The following IFITM3 variants were observed in gnomAD, a reference collection of about 807,000 sequenced individuals.
The protein encoded by IFITM3 is interferon-induced transmembrane protein 3.
A neutral mutation model predicts 5.2 loss-of-function variants in IFITM3; 5 were observed. The ratio of observed to expected loss-of-function variants is 0.96; its 90% CI spans 0.50 to 2.03. The LOEUF is 2.03. Ranked by LOEUF, IFITM3 falls within the 30% of genes most tolerant of loss-of-function variation. The probability of loss-of-function intolerance (pLI) is 0.01; values close to 1 mark genes in which losing one functional copy is unlikely to be tolerated. For synonymous variants in IFITM3, 81 were observed against 77.6 expected (o/e 1.04, Z -0.23); for missense variants, 156 against 177.3 (o/e 0.88, Z 0.68).
At position 320,855 on chromosome 11, in the gene IFITM3, G is replaced by A; in HGVS notation, c.-42C>T. On this transcript the variant is annotated 5_prime_UTR_variant, in exon 1 of 2. Transcript: ENST00000399808. ...CAGCGGCGGTCGGGTTACTGGGATGGTTCTCAGTGAGCCCTCCCTTTCCCC... is the reference window on the plus strand; with the variant it reads ...CAGCGGCGGTCGGGTTACTGGGATGATTCTCAGTGAGCCCTCCCTTTCCCC... 1 of 1,573,694 alleles carries A rather than the reference G, an allele frequency of 6.4e-7. No individual in the cohort carries two copies. The highest frequency in any genetic ancestry group is 8.7e-7 in the Non-Finnish European group (1 of 1,153,990).
At position 319,829 on chromosome 11, in the gene IFITM3, C is replaced by G; in HGVS notation, c.*9G>C. ...GGCAGAGCTCCTGGCCTCAGTGATGCCTCCTGATCTATCCATAGGCCTGGA... is the reference window on the plus strand; with the variant it reads ...GGCAGAGCTCCTGGCCTCAGTGATGGCTCCTGATCTATCCATAGGCCTGGA... On this transcript the variant is annotated 3_prime_UTR_variant, in exon 2 of 2. Transcript: ENST00000399808. 1 of 1,614,126 alleles carries G rather than the reference C, an allele frequency of 6.2e-7. No individual in the cohort carries two copies. The highest frequency in any genetic ancestry group is 8.5e-7 in the Non-Finnish European group (1 of 1,180,006).
intron 1 of IFITM3, 46 bp downstream of exon 1, chr11:320,519 C>T: frequency 6.2e-7 from 1 of 1,604,844 alleles, no homozygotes; most frequent in South Asian, 1.1e-5. Context: ...AGGTGGAGCT[C>T]CAGGCTCAGC....
intron 1 of IFITM3, 61 bp from the exon 2 acceptor site, chr11:320,051 C>T: frequency 1.9e-6 from 3 of 1,604,154 alleles, no homozygotes; most frequent in South Asian, 2.2e-5. Context: ...CGTGCTATGG[C>T]TCCGTCTCCT....
At position 320,749 on chromosome 11, in the gene IFITM3, A is replaced by G. The variant is rs771595943; in HGVS notation, c.65T>C (p.Met22Thr). The change falls in exon 1 of 2, where the codon ATG becomes ACG. Residue 22 changes from methionine to threonine, a missense_variant. Physicochemically the swap from Met to Thr is moderately conservative, Grantham distance 81. Coordinates refer to ENST00000399808, the MANE Select transcript of IFITM3 (RefSeq NM_021034.3). ...VNSGQPPNYEMLKEEHEVAVL... is the reference protein window; with the variant it reads ...VNSGQPPNYETLKEEHEVAVL... The stretch of plus-strand genomic sequence containing the variant: ...AGCCACCTCGTGCTCCTCCTTGAGC[A>G]TCTCATAGTTGGGGGGCTGGCCACT... 12 of 1,613,732 alleles carry G rather than the reference A, an allele frequency of 7.4e-6. No homozygotes were observed. The highest frequency in any genetic ancestry group is 1.7e-5 in the Admixed American group (1 of 59,990).
At position 319,838 on chromosome 11, in the gene IFITM3, C is replaced by CGAT; in HGVS notation, c.401_402insATC (p.Ter134delinsTer). On this transcript the variant is annotated inframe_insertion and stop_retained_variant, in exon 2 of 2. Coordinates refer to ENST00000399808, the MANE Select transcript of IFITM3 (RefSeq NM_021034.3). ...CCTGGCCTCAGTGATGCCTCCTGAT[C>CGAT]TATCCATAGGCCTGGAAGATCAGCA... The CGAT allele has an allele frequency of 6.2e-7, 1 of 1,614,184 alleles. No individual in the cohort carries two copies. The highest frequency in any genetic ancestry group is 8.5e-7 in the Non-Finnish European group (1 of 1,180,012).
In IFITM3 at chr11:319,703, G is replaced by T; in HGVS notation, c.*135C>A. 8.7e-7 allele frequency: 1 copy of T among 1,143,090 alleles called. No individual in the cohort carries two copies. The highest frequency in any genetic ancestry group is 1.3e-6 in the Non-Finnish European group (1 of 769,020). The allele number at this position is 1,143,090 out of a possible 1,614,324, so 70.8% of individuals were successfully genotyped here. On this transcript the variant is annotated 3_prime_UTR_variant, in exon 2 of 2. Coordinates refer to ENST00000399808, the MANE Select transcript of IFITM3 (RefSeq NM_021034.3). ...CAGAAACACGTGCACTTTATTGAAT[G>T]CCATTGTAGAAAAGCGTGTGAGGAT...
intron 1 of IFITM3, 38 bp from the exon 2 acceptor site, chr11:320,028 C>T: frequency 6.2e-7 from 1 of 1,607,300 alleles, no homozygotes; most frequent in Non-Finnish European, 8.5e-7. Flanking sequence ...CAGGATCCCC[C>T]AGCTGAGAGC....
In IFITM3 at chr11:320,670, G is replaced by T; in HGVS notation, c.144C>A (p.Ile48=). Residue 48 remains isoleucine, a synonymous_variant, in exon 1 of 2, where the codon ATC becomes ATA. Coordinates refer to ENST00000399808, the MANE Select transcript of IFITM3 (RefSeq NM_021034.3). ...PAPPTSTVIH[I]RSETSVPDHV... Reference sequence around the variant, plus strand: ...GGTCGGGCACGGAGGTCTCGCTGCGGATGTGGATCACGGTGGACGTCGGGG... The same window carrying T: ...GGTCGGGCACGGAGGTCTCGCTGCGTATGTGGATCACGGTGGACGTCGGGG... 1 of 1,613,928 alleles carries T rather than the reference G, an allele frequency of 6.2e-7. No individual in the cohort carries two copies. The highest frequency in any genetic ancestry group is 8.5e-7 in the Non-Finnish European group (1 of 1,179,880).
intron 1 of IFITM3, 52 bp downstream of exon 1, chr11:320,513 G>A: frequency 1.2e-6 from 2 of 1,602,148 alleles, no homozygotes; most frequent in Non-Finnish European, 1.7e-6. Flanking sequence ...GTGGGCAGGT[G>A]GAGCTCCAGG....
At chr11:320,040 G>A (rs113929853) in intron 1 of IFITM3, 50 bp from the exon 2 acceptor site, 28 of 1,604,424 alleles carry the variant, frequency 1.7e-5, no homozygotes, top group Admixed American at 5.0e-5. Flanking sequence ...GCTGAGAGCC[G>A]CGTGCTATGG....
In IFITM3 at chr11:320,580, G is replaced by A. The variant is rs375285737; in HGVS notation, c.234C>T (p.Phe78=). 73 of 1,613,722 alleles carry A rather than the reference G, an allele frequency of 4.5e-5. No individual in the cohort carries two copies. Among genetic ancestry groups the A allele is most frequent in the East Asian group, 1.3e-4 (6 of 44,894 alleles). Residue 78 remains phenylalanine (F), a synonymous_variant, in exon 1 of 2, where the codon TTC becomes TTT. Transcript: ENST00000399808. ...MNPCCLGFIA[F]AYSVKSRDRK... ...CCATACGCACCTTCACGGAGTAGGC[G>A]AATGCTATGAAGCCCAGGCAGCAGG...
At chr11:320,119 T>C in intron 1 of IFITM3, 129 bp from the exon 2 acceptor site, 5 of 1,180,052 alleles carry the variant, frequency 4.2e-6, no homozygotes, top group Non-Finnish European at 6.1e-6. Flanking sequence ...TCACCCGGGC[T>C]CAGACTCTCC....
chr11:319,849 C>T lies in IFITM3; in HGVS notation c.391G>A (p.Ala131Thr). 6.2e-7 allele frequency: 1 copy of T among 1,614,154 alleles called. No individual in the cohort carries two copies. Among genetic ancestry groups the T allele is most frequent in the Non-Finnish European group, 8.5e-7 (1 of 1,180,010 alleles). Reference protein sequence around the residue: ...LIVIPVLIFQAYG With the variant: ...LIVIPVLIFQTYG ...TGATGCCTCCTGATCTATCCATAGG[C>T]CTGGAAGATCAGCACTGGGATGACG... Residue 131 changes from alanine (A) to threonine (T), a missense_variant, in exon 2 of 2, where the codon GCC becomes ACC. Physicochemically the swap from Ala to Thr is moderately conservative, Grantham distance 58. Coordinates refer to ENST00000399808, the MANE Select transcript of IFITM3 (RefSeq NM_021034.3).
Position 319,732 on chromosome 11 carries a change from G to A in IFITM3, c.*106C>T, listed in dbSNP as rs1394755924. On this transcript the variant is annotated 3_prime_UTR_variant, in exon 2 of 2. Coordinates refer to ENST00000399808, the MANE Select transcript of IFITM3 (RefSeq NM_021034.3). ...TTGTAGAAAAGCGTGTGAGGATAAAGGGCTGATACAGGACTCGGCTCCGGG... is the reference window on the plus strand; with the variant it reads ...TTGTAGAAAAGCGTGTGAGGATAAAAGGCTGATACAGGACTCGGCTCCGGG... The A allele has an allele frequency of 7.1e-7, 1 of 1,407,048 alleles. No individual in the cohort carries two copies. The highest frequency in any genetic ancestry group is 1.0e-6 in the Non-Finnish European group (1 of 996,144). The allele number at this position is 1,407,048 out of a possible 1,614,324, so 87.2% of individuals were successfully genotyped here. A position where few individuals can be genotyped will look rare whatever the true frequency, so the allele number is the denominator to read the frequency against.
chr11:320,385 C>CA lies in IFITM3; in HGVS notation c.249+179dup, dbSNP rs550094840. The CA allele has an allele frequency of 4.0e-4, 451 of 1,116,586 alleles. 4 individuals carry two copies. The African/African-American group carries it at 5.9e-3, about 15-fold the overall frequency. 69.2% of individuals were successfully genotyped at this position (1,116,586 alleles called of 1,614,324 possible). A position where few individuals can be genotyped will look rare whatever the true frequency, so the allele number is the denominator to read the frequency against. On this transcript the variant is annotated intron_variant, in intron 1 of 1. Transcript: ENST00000399808. ...CTAAACCTGCACTGGGCAGATTCCC[C>CA]AAGCCACACACACACACAGATCACA... is the stretch of plus-strand genomic sequence containing the variant.
In IFITM3 at chr11:319,816, G is replaced by A; in HGVS notation, c.*22C>T. ...GATACAGGTCATGGGCAGAGCTCCT[G>A]GCCTCAGTGATGCCTCCTGATCTAT... On this transcript the variant is annotated 3_prime_UTR_variant, in exon 2 of 2. Coordinates refer to ENST00000399808, the MANE Select transcript of IFITM3 (RefSeq NM_021034.3). The A allele has an allele frequency of 6.2e-7, 1 of 1,614,060 alleles. No individual in the cohort carries two copies. Among genetic ancestry groups the A allele is most frequent in the Non-Finnish European group, 8.5e-7 (1 of 1,179,968 alleles).
Position 320,555 on chromosome 11 carries a change from C to G in IFITM3, c.249+10G>C. On this transcript the variant is annotated intron_variant, in intron 1 of 1. Transcript: ENST00000399808. ...GGCACCCTCTGAGCATTCCCTGGGG[C>G]CATACGCACCTTCACGGAGTAGGCG... 6.2e-7 allele frequency: 1 copy of G among 1,613,428 alleles called. No homozygotes were observed. The highest frequency in any genetic ancestry group is 8.5e-7 in the Non-Finnish European group (1 of 1,179,644).
At chr11:320,534 C>T in intron 1 of IFITM3, 31 bp downstream of exon 1, 3 of 1,609,562 alleles carry the variant, frequency 1.9e-6, no homozygotes, top group South Asian at 1.1e-5. Context: ...CTCAGCGGCA[C>T]CCTCTGAGCA....
In IFITM3 at chr11:319,973, C is replaced by T; in HGVS notation, c.267G>A (p.Met89Ile). The T allele has an allele frequency of 1.2e-6, 2 of 1,613,876 alleles. No homozygotes were observed. Among genetic ancestry groups the T allele is most frequent in the Non-Finnish European group, 1.7e-6 (2 of 1,179,998 alleles). ...AYSVKSRDRK[M>I]VGDVTGAQAY... ...CCTGGGCCCCGGTCACGTCGCCAAC[C>T]ATCTTCCTGTCCCTAGACTGGGGGA... is the stretch of plus-strand genomic sequence containing the variant. Residue 89 changes from methionine to isoleucine, a missense_variant, in exon 2 of 2, where the codon ATG becomes ATA. Transcript: ENST00000399808.
Sources: gnomAD v4.1 joint callset for allele counts on GRCh38, gnomAD v4.1.1 for gene constraint, MANE v1.5 for transcripts, NCBI Gene and HGNC (gene_info 2026-07-23, HGNC 2026-07-21) for gene names.